Variants in TMPRSS12 observed in about 807,000 individuals in gnomAD.
The protein encoded by TMPRSS12 is transmembrane serine protease 12, also known as transmembrane protease serine 12.
Under a neutral mutation model 26.0 loss-of-function variants are expected in TMPRSS12, and 25 were observed. The ratio of observed to expected loss-of-function variants is 0.96; its 90% CI spans 0.70 to 1.34. The LOEUF (loss-of-function observed/expected upper bound fraction) is 1.34, where lower values mean the gene tolerates loss of function less well. Ranked by LOEUF, TMPRSS12 falls within the 40% of genes most tolerant of loss-of-function variation. The pLI, the probability that TMPRSS12 is intolerant of heterozygous loss-of-function variation, is 0.00. For missense variants in TMPRSS12, 441 were observed against 440.1 expected (o/e 1.00, Z -0.02); for synonymous variants, 150 against 161.7 (o/e 0.93, Z 0.55).
Position 50,887,644 on chromosome 12 carries a change from T to C in TMPRSS12, c.*131T>C, listed in dbSNP as rs189618533. 7.3e-5 allele frequency: 87 copies of C among 1,185,600 alleles called. No individual in the cohort carries two copies. In the East Asian group the frequency reaches 2.0e-3, roughly 27 times the overall value. The allele number at this position is 1,185,600 out of a possible 1,614,324, so 73.4% of individuals were successfully genotyped here. A position where few individuals can be genotyped will look rare whatever the true frequency, so the allele number is the denominator to read the frequency against. ...GATTTCATGTGAACATTTTATGGGC[T>C]ATAAGTATTGTGACAGATATACAAT... On this transcript the variant is annotated 3_prime_UTR_variant, in exon 5 of 5. Coordinates refer to ENST00000398458, the MANE Select transcript of TMPRSS12 (RefSeq NM_182559.3).
rs1938071207 is a variant in TMPRSS12, at chr12:50,872,789, A to AGACG, written c.653-12457_653-12456insGACG. Among the ~76,000 whole-genome samples, 13 of 25,732 alleles carry AGACG rather than the reference A, an allele frequency of 5.1e-4. 1 individual carries two copies. Among genetic ancestry groups the AGACG allele is most frequent in the Non-Finnish European group, 7.8e-4 (9 of 11,530 alleles). 16.9% of individuals were successfully genotyped at this position (25,732 alleles called of 152,430 possible). ...ATATGACGTATATATGTACATATAT[A>AGACG]TGACGTATATATGTACATATATATG... On this transcript the variant is annotated intron_variant, in intron 3 of 4. Transcript: ENST00000398458.
At chr12:50,850,206 G>A (rs1423424640) in intron 2 of TMPRSS12, among the ~76,000 whole-genome samples, 9 of 152,296 alleles carry the variant, frequency 5.9e-5, no homozygotes, top group African/African-American at 1.7e-4. Context: ...ACTGGATTGT[G>A]GGGGCAGATC....
Position 50,859,002 on chromosome 12 carries a change from G to A in TMPRSS12, c.601G>A (p.Asp201Asn). The A allele has an allele frequency of 6.2e-7, 1 of 1,603,806 alleles. No individual in the cohort carries two copies. Among genetic ancestry groups the A allele is most frequent in the Admixed American group, 1.7e-5 (1 of 57,962 alleles). The change falls in exon 3 of 5, where the codon GAC becomes AAC. Residue 201 changes from aspartate to asparagine, a missense_variant. Asp to Asn is a conservative substitution (Grantham distance 23). Transcript: ENST00000398458. ...CLPFDVFQIL[D>N]GNTKCFISGW... ...ACCTTTTGATGTTTTCCAAATCCTG[G>A]ACGGAAACACAAAGTGTTTTATAAG...
intron 3 of TMPRSS12, among the ~76,000 whole-genome samples, chr12:50,862,832 T>TTA: frequency 6.6e-6 from 1 of 152,066 alleles, no homozygotes; most frequent in African/African-American, 2.4e-5. Flanking sequence ...CGCCTTGTTC[T>TTA]TATATATATA....
chr12:50,875,085 CTT>C (rs1211884699), intron 3 of TMPRSS12, among the ~76,000 whole-genome samples: 3 of 152,072 alleles, frequency 2.0e-5, no homozygotes, highest in African/African-American at 7.2e-5. Flanking sequence ...CTAGAAAAAA[CTT>C]TTCTAAAATG....
chr12:50,879,388 T>C (rs1351367149), intron 3 of TMPRSS12, among the ~76,000 whole-genome samples: 2 of 152,188 alleles, frequency 1.3e-5, no homozygotes, highest in Non-Finnish European at 2.9e-5. Context: ...GCTGCAAATA[T>C]CTCCAGCAGT....
chr12:50,865,100 G>A (rs1204714309), intron 3 of TMPRSS12, among the ~76,000 whole-genome samples: 1 of 152,178 alleles, frequency 6.6e-6, no homozygotes, highest in Non-Finnish European at 1.5e-5. Flanking sequence ...GGGAAGCCAA[G>A]GCAGGTGGAT....
At chr12:50,859,185 T>G in intron 3 of TMPRSS12, 132 bp downstream of exon 3, 1 of 833,306 alleles carries the variant, frequency 1.2e-6, no homozygotes, top group Non-Finnish European at 1.7e-6. Context: ...ACGATGGTGG[T>G]CTATAAGATT....
At chr12:50,865,272 C>T (rs1937980404) in intron 3 of TMPRSS12, among the ~76,000 whole-genome samples, 1 of 152,084 alleles carries the variant, frequency 6.6e-6, no homozygotes, top group Non-Finnish European at 1.5e-5. Context: ...GCAGAGGTTG[C>T]AGTGAGCCAA....
At chr12:50,866,497 G>A (rs1408514071) in intron 3 of TMPRSS12, among the ~76,000 whole-genome samples, 1 of 151,878 alleles carries the variant, frequency 6.6e-6, no homozygotes, top group Non-Finnish European at 1.5e-5. Context: ...GAGAGTCTGA[G>A]CTCAGACATG....
chr12:50,861,273 G>A (rs1937931761), intron 3 of TMPRSS12, among the ~76,000 whole-genome samples: 1 of 152,168 alleles, frequency 6.6e-6, no homozygotes, highest in Non-Finnish European at 1.5e-5. Context: ...ATGAGGTTAA[G>A]TACTAAGACT....
intron 2 of TMPRSS12, among the ~76,000 whole-genome samples, chr12:50,852,553 G>A (rs1937835814): frequency 6.6e-6 from 1 of 152,140 alleles, no homozygotes; most frequent in Admixed American, 6.5e-5. Context: ...TGGGATTATA[G>A]GCGCCTGCCA....
chr12:50,866,642 G>A (rs1235848942), intron 3 of TMPRSS12, among the ~76,000 whole-genome samples: 4 of 151,866 alleles, frequency 2.6e-5, no homozygotes, highest in African/African-American at 9.7e-5. Context: ...GATGCTCTCT[G>A]GAAAGCACCA....
At chr12:50,857,817 C>CGTTGTT (rs547869410) in intron 2 of TMPRSS12, among the ~76,000 whole-genome samples, 1 of 96,738 alleles carries the variant, frequency 1.0e-5, no homozygotes, top group Admixed American at 1.2e-4. Flanking sequence ...TCGTTGTTGT[C>CGTTGTT]GTTGTTGTTG....
intron 2 of TMPRSS12, among the ~76,000 whole-genome samples, chr12:50,845,577 C>A (rs1017523848): frequency 2.6e-5 from 4 of 152,146 alleles, no homozygotes; most frequent in African/African-American, 9.7e-5. Flanking sequence ...GATACTATTT[C>A]TTCTCTATTT....
chr12:50,846,542 G>C (rs1937769432), intron 2 of TMPRSS12, among the ~76,000 whole-genome samples: 2 of 151,538 alleles, frequency 1.3e-5, no homozygotes, highest in Non-Finnish European at 2.9e-5. Context: ...GGATTAGTAT[G>C]GATCTATAGT....
intron 2 of TMPRSS12, among the ~76,000 whole-genome samples, chr12:50,849,257 A>G (rs1937801942): frequency 6.6e-6 from 1 of 151,966 alleles, no homozygotes; most frequent in African/African-American, 2.4e-5. Flanking sequence ...CCAGCAGCCC[A>G]CTGATATCTA....
intron 2 of TMPRSS12, among the ~76,000 whole-genome samples, chr12:50,855,857 A>G (rs996141445): frequency 6.6e-6 from 1 of 152,234 alleles, no homozygotes; most frequent in Non-Finnish European, 1.5e-5. Flanking sequence ...CATATACACC[A>G]TGGAATACTA....
At chr12:50,877,704 G>A (rs1315226394) in intron 3 of TMPRSS12, among the ~76,000 whole-genome samples, 2 of 152,174 alleles carry the variant, frequency 1.3e-5, no homozygotes, top group East Asian at 1.9e-4. Flanking sequence ...AGGTTCAAGC[G>A]ATTCTCATGC....
Sources: gnomAD v4.1 joint callset for allele counts (sites outside exome capture counted in the v4.1 genomes callset) on GRCh38, gnomAD v4.1.1 for gene constraint, MANE v1.5 for transcripts, NCBI Gene and HGNC (gene_info 2026-07-23, HGNC 2026-07-21) for gene names.